ALDH9A1: variants seen among roughly 807,000 people sequenced by gnomAD.
ALDH9A1 encodes the protein 4-trimethylaminobutyraldehyde dehydrogenase.
Under a neutral mutation model 56.6 loss-of-function variants are expected in ALDH9A1, and 42 were observed. The ratio of observed to expected loss-of-function variants is 0.74; its 90% CI spans 0.58 to 0.96. ALDH9A1 has a LOEUF of 0.96. ALDH9A1 is among the 40% of genes least tolerant of loss of function. The pLI is 0.00. For synonymous variants in ALDH9A1, 242 were observed against 236.0 expected, an observed-to-expected ratio of 1.03 and a Z score of -0.23; for missense variants, 661 against 651.5, an observed-to-expected ratio of 1.01 and a Z score of -0.16.
intron 2 of ALDH9A1, among the ~76,000 whole-genome samples, chr1:165,693,546 A>G (rs1649963141): frequency 6.6e-6 from 1 of 152,244 alleles, no homozygotes; most frequent in Non-Finnish European, 1.5e-5. Flanking sequence ...AATGGCAATC[A>G]TTAAAAAGTC....
At chr1:165,694,965 A>AAT (rs1553245373) in intron 2 of ALDH9A1, among the ~76,000 whole-genome samples, 4 of 151,694 alleles carry the variant, frequency 2.6e-5, no homozygotes, top group African/African-American at 9.7e-5. Flanking sequence ...CAAAAAAAAA[A>AAT]AAAAATAAAA....
chr1:165,680,351 T>C lies in ALDH9A1; in HGVS notation c.789+136A>G, dbSNP rs368703997. On this transcript the variant is annotated intron_variant, in intron 5 of 10. Coordinates refer to ENST00000354775, the MANE Select transcript of ALDH9A1 (RefSeq NM_000696.4). ...TTACAGGAAATTTCACACCTCTGCC[T>C]AATAAAATCTCCTTCCCATTCCCAA... 180 of 903,986 alleles carry C rather than the reference T, an allele frequency of 2.0e-4. 2 individuals carry two copies. In the South Asian group the frequency reaches 2.7e-3, roughly 14 times the overall value. 56.0% of individuals were successfully genotyped at this position (903,986 alleles called of 1,614,324 possible). A position where few individuals can be genotyped will look rare whatever the true frequency, so the allele number is the denominator to read the frequency against.
At chr1:165,682,857 G>T in intron 3 of ALDH9A1, 124 bp downstream of exon 3, 1 of 1,116,250 alleles carries the variant, frequency 9.0e-7, no homozygotes, top group Non-Finnish European at 1.2e-6. Context: ...CACCCAGGTA[G>T]AAAGTGACAA....
intron 6 of ALDH9A1, among the ~76,000 whole-genome samples, chr1:165,673,063 A>T (rs1355413521): frequency 6.6e-6 from 1 of 151,260 alleles, no homozygotes; most frequent in African/African-American, 2.4e-5. Flanking sequence ...ACACAAAAAA[A>T]TCATCACAAT....
chr1:165,664,495 C>T lies in ALDH9A1; in HGVS notation c.1462+523G>A, dbSNP rs140842788. 1.3e-3 allele frequency among the ~76,000 whole-genome samples: 194 copies of T among 152,300 alleles called. 2 individuals are homozygous for T. The highest frequency in any genetic ancestry group is 5.1e-3 in the Admixed American group (78 of 15,308). On this transcript the variant is annotated intron_variant, in intron 10 of 10. Coordinates refer to ENST00000354775, the MANE Select transcript of ALDH9A1 (RefSeq NM_000696.4). ...TGAATGAGCAGTGGCTAAGGAAACA[C>T]ACTCCTATATGCCATCAAGGGTAAT...
At chr1:165,676,439 G>A (rs528177907) in intron 6 of ALDH9A1, 13 of 228,432 alleles carry the variant, frequency 5.7e-5, no homozygotes, top group Middle Eastern at 3.2e-3. Context: ...GACATCAAGC[G>A]AACGGGTACT....
At chr1:165,663,534 C>T (rs1432880255) in intron 10 of ALDH9A1, among the ~76,000 whole-genome samples, 2 of 152,208 alleles carry the variant, frequency 1.3e-5, no homozygotes, top group African/African-American at 4.8e-5. Context: ...GGCTTATTCA[C>T]CATTTCTTAA....
rs1431053184 is a variant in ALDH9A1 at position 165,663,092 on chromosome 1, C to T, written c.1515G>A (p.Lys505=). The part of the protein sequence containing the change: ...RVTIEYYSQL[K]TVCVEMGDVE... ...CATCACCCATCTCCACACACACAGTCTTCAGCTGTGAATAATATTCGATTG... is the reference window on the plus strand; with the variant it reads ...CATCACCCATCTCCACACACACAGTTTTCAGCTGTGAATAATATTCGATTG... The change falls in exon 11 of 11, where the codon AAG becomes AAA. Residue 505 remains lysine, a synonymous_variant. Transcript: ENST00000354775. 1 of 1,614,074 alleles carries T rather than the reference C, an allele frequency of 6.2e-7. No individual in the cohort carries two copies. The highest frequency in any genetic ancestry group is 8.5e-7 in the Non-Finnish European group (1 of 1,179,960).
chr1:165,692,796 G>A (rs1464450373), intron 2 of ALDH9A1, among the ~76,000 whole-genome samples: 2 of 151,836 alleles, frequency 1.3e-5, no homozygotes, highest in African/African-American at 2.4e-5. Flanking sequence ...GAGGCATCAT[G>A]CTACCTGACT....
intron 1 of ALDH9A1, chr1:165,698,144 T>C (rs889902561): frequency 7.5e-6 from 9 of 1,200,124 alleles, no homozygotes; most frequent in Non-Finnish European, 9.6e-6. Flanking sequence ...GTAAAACAAC[T>C]CACGATCCTA....
chr1:165,664,875 G>A, intron 10 of ALDH9A1, 143 bp downstream of exon 10: 3 of 637,490 alleles, frequency 4.7e-6, no homozygotes, highest in Non-Finnish European at 8.4e-6. Context: ...GACTGCTACA[G>A]TGGATCTGGG....
At position 165,682,087 on chromosome 1, in the gene ALDH9A1, G is replaced by C. The variant is rs756263931; in HGVS notation, c.592+20C>G. The C allele has an allele frequency of 3.1e-6, 5 of 1,613,272 alleles. No individual in the cohort carries two copies. In the Admixed American group the frequency reaches 6.7e-5, roughly 22 times the overall value. On this transcript the variant is annotated intron_variant, in intron 4 of 10. Transcript: ENST00000354775. ...AGAATGAACGAATGGCTCTCAAATG[G>C]AGGGATAATTCATTCTTACCACAGG... is the stretch of plus-strand genomic sequence containing the variant.
chr1:165,696,930 G>A (rs1368581318), intron 1 of ALDH9A1, among the ~76,000 whole-genome samples: 1 of 152,228 alleles, frequency 6.6e-6, no homozygotes, highest in African/African-American at 2.4e-5. Context: ...ATAAAGAAGA[G>A]ATGTGATAAT....
chr1:165,692,196 A>G (rs989150456), intron 2 of ALDH9A1, among the ~76,000 whole-genome samples: 4 of 152,234 alleles, frequency 2.6e-5, no homozygotes, highest in African/African-American at 7.2e-5. Flanking sequence ...CCTATTCAAC[A>G]TAGTGTTGGA....
At position 165,663,129 on chromosome 1, in the gene ALDH9A1, T is replaced by C. The variant is rs758256843; in HGVS notation, c.1478A>G (p.Asn493Ser). Residue 493 changes from asparagine (N) to serine (S), a missense_variant, in exon 11 of 11, where the codon AAC becomes AGC. Coordinates refer to ENST00000354775, the MANE Select transcript of ALDH9A1 (RefSeq NM_000696.4). ...GYKKSGFGRENGRVTIEYYSQ... is the reference protein window; with the variant it reads ...GYKKSGFGRESGRVTIEYYSQ... ...ATAATATTCGATTGTCACACGGCCG[T>C]TCTCTCTGCCAAATCCTGAAAGGAG... 4 of 1,603,662 alleles carry C rather than the reference T, an allele frequency of 2.5e-6. No individual in the cohort carries two copies. Among genetic ancestry groups the C allele is most frequent in the Non-Finnish European group, 2.6e-6 (3 of 1,171,066 alleles).
chr1:165,687,384 A>G (rs1236443062), intron 2 of ALDH9A1, among the ~76,000 whole-genome samples: 1 of 152,180 alleles, frequency 6.6e-6, no homozygotes, highest in African/African-American at 2.4e-5. Flanking sequence ...CCTCAGGAAA[A>G]ATACATATGA....
chr1:165,681,097 T>C (rs1263872551), intron 4 of ALDH9A1, among the ~76,000 whole-genome samples: 2 of 152,188 alleles, frequency 1.3e-5, no homozygotes, highest in Admixed American at 6.5e-5. Context: ...TACCTCCCCC[T>C]GGGTCCCTCC....
chr1:165,668,393 C>T (rs1649071430), intron 8 of ALDH9A1, among the ~76,000 whole-genome samples: 1 of 152,240 alleles, frequency 6.6e-6, no homozygotes, highest in Middle Eastern at 3.4e-3. Context: ...GCCTCTCTTG[C>T]TCTCTCTTTC....
At chr1:165,667,281 AC>A in intron 9 of ALDH9A1, 27 bp downstream of exon 9, 1 of 1,613,432 alleles carries the variant, frequency 6.2e-7, no homozygotes. Flanking sequence ...CTCCTTCAAA[AC>A]TGCTCTCAGT....
Sources: gnomAD v4.1 joint callset for allele counts (sites outside exome capture counted in the v4.1 genomes callset) on GRCh38, gnomAD v4.1.1 for gene constraint, MANE v1.5 for transcripts, NCBI Gene and HGNC (gene_info 2026-07-23, HGNC 2026-07-21) for gene names.